NFRKB: variants seen among roughly 807,000 people sequenced by gnomAD.
NFRKB encodes nuclear factor related to kappa-B-binding protein.
A neutral mutation model predicts 135.7 loss-of-function variants in NFRKB; 62 were observed. That is an observed-to-expected ratio of 0.46 (90% CI 0.37 to 0.56). The LOEUF (loss-of-function observed/expected upper bound fraction) is 0.56, where lower values mean the gene tolerates loss of function less well. NFRKB is among the 20% of genes least tolerant of loss of function. The pLI, the probability that NFRKB is intolerant of heterozygous loss-of-function variation, is 0.00. For synonymous variants in NFRKB, 678 were observed against 635.6 expected (o/e 1.07, Z -1.00); for missense variants, 1,545 against 1,662.0 (o/e 0.93, Z 1.22).
chr11:129,878,170 G>C, intron 15 of NFRKB, 139 bp downstream of exon 15: 1 of 854,518 alleles, frequency 1.2e-6, no homozygotes, highest in Non-Finnish European at 1.8e-6. Context: ...GTGCGGCCAA[G>C]TCAGGAAGAA....
rs1323840488 is a variant in NFRKB, at chr11:129,874,232, G to A, written c.2160C>T (p.Val720=). The A allele has an allele frequency of 1.3e-6, 2 of 1,518,770 alleles. No individual in the cohort carries two copies. The highest frequency in any genetic ancestry group is 2.8e-5 in the African/African-American group (2 of 71,648). 94.1% of individuals were successfully genotyped at this position (1,518,770 alleles called of 1,614,324 possible). A position where few individuals can be genotyped will look rare whatever the true frequency, so the allele number is the denominator to read the frequency against. ...CTGGTGTGGTGGGGGTTACAGGTGT[G>A]ACTGGGGTGGGTGGCATACTGGAGT... The part of the protein sequence containing the change: ...LSDSSMPPTP[V]TPVTPTTPAL... The change falls in exon 21 of 27, where the codon GTC becomes GTT. Residue 720 remains valine, a synonymous_variant. Transcript: ENST00000682444. This position sits in a 1 kb window ranked among gnomAD's most constrained non-coding sequence, Gnocchi z 4.5.
intron 4 of NFRKB, among the ~76,000 whole-genome samples, chr11:129,887,730 A>G (rs1949345356): frequency 2.0e-5 from 3 of 152,234 alleles, no homozygotes; most frequent in African/African-American, 7.2e-5. Flanking sequence ...ACATTGCAGG[A>G]ACAATCAAGA....
At chr11:129,882,061 C>A (rs1297436972) in intron 11 of NFRKB, 25 bp downstream of exon 11, 1 of 1,572,474 alleles carries the variant, frequency 6.4e-7, no homozygotes, top group Non-Finnish European at 8.6e-7. Context: ...CTCTAATGTA[C>A]CTCCAACTTT....
At chr11:129,871,380 C>A (rs1300735685) in intron 23 of NFRKB, among the ~76,000 whole-genome samples, 1 of 152,186 alleles carries the variant, frequency 6.6e-6, no homozygotes, top group East Asian at 1.9e-4. Context: ...AGCCACCAAT[C>A]CACTGGCCCA....
intron 25 of NFRKB, 36 bp downstream of exon 25, chr11:129,865,841 C>A: frequency 6.2e-7 from 1 of 1,600,504 alleles, no homozygotes; most frequent in Non-Finnish European, 8.6e-7. Context: ...CACCTCCACC[C>A]CCGAATTGGT....
Position 129,893,188 on chromosome 11 carries a change from T to C in NFRKB, c.-21-318A>G, listed in dbSNP as rs1301361940. The C allele has an allele frequency of 4.0e-6, 3 of 751,540 alleles. No homozygotes were observed. In the African/African-American group the frequency reaches 5.4e-5, roughly 14 times the overall value. The allele number at this position is 751,540 out of a possible 1,614,324, so 46.6% of individuals were successfully genotyped here. ...ATGATAAACAGATCACAATCTATAA[T>C]TTACACTTCCCAGACCAATAATCAC... On this transcript the variant is annotated intron_variant, in intron 2 of 26. Coordinates refer to ENST00000682444, the MANE Select transcript of NFRKB (RefSeq NM_001143835.2).
At chr11:129,869,370 C>G (rs185684632) in intron 24 of NFRKB, 124 bp downstream of exon 24, 13 of 1,065,218 alleles carry the variant, frequency 1.2e-5, no homozygotes. Flanking sequence ...GCTTTTAGGG[C>G]CTCTAATTTC....
chr11:129,869,992 G>C lies in NFRKB; in HGVS notation c.3033C>G (p.His1011Gln), dbSNP rs201322656. 1.3e-5 allele frequency: 21 copies of C among 1,614,252 alleles called. No individual in the cohort carries two copies. Among genetic ancestry groups the C allele is most frequent in the Non-Finnish European group, 1.7e-5 (20 of 1,180,046 alleles). Residue 1011 changes from histidine (H) to glutamine (Q), a missense_variant, in exon 24 of 27, where the codon CAC becomes CAG. By Grantham distance (24) the His-to-Gln change is conservative (BLOSUM62 0). Transcript: ENST00000682444. ...TTGKGISATLHVTSNPVHAAD... is the reference protein window; with the variant it reads ...TTGKGISATLQVTSNPVHAAD... ...CTGCATGTACTGGATTGGAAGTGAC[G>C]TGTAAGGTGGCAGAGATGCCTTTGC...
Position 129,869,632 on chromosome 11 carries a change from T to G in NFRKB, c.3393A>C (p.Leu1131Phe). ...TGGACACAGCAGCATTCATACTGGG[T>G]AAGGACACCGCTGAAGTATGGACAG... ...SGTVHTSAVS[L>F]PSMNAAVSKT... Residue 1131 changes from leucine to phenylalanine, a missense_variant, in exon 24 of 27, where the codon TTA (leucine) becomes TTC (phenylalanine). By Grantham distance (22) the Leu-to-Phe change is conservative (BLOSUM62 0). Transcript: ENST00000682444. The G allele has an allele frequency of 6.2e-7, 1 of 1,614,110 alleles. No individual in the cohort carries two copies.
In NFRKB at chr11:129,881,731, A is replaced by G; in HGVS notation, c.1314T>C (p.Ser438=). The G allele has an allele frequency of 6.2e-7, 1 of 1,614,110 alleles. No individual in the cohort carries two copies. The highest frequency in any genetic ancestry group is 1.7e-5 in the Admixed American group (1 of 60,012). Residue 438 remains serine (S), a synonymous_variant, in exon 12 of 27, where the codon AGT becomes AGC. Coordinates refer to ENST00000682444, the MANE Select transcript of NFRKB (RefSeq NM_001143835.2). The part of the protein sequence containing the change: ...LPALQYLAGE[S]RAVPSSFSPF... The stretch of plus-strand genomic sequence containing the variant: ...CTACAAAAAAGAGCATCTTACCTCG[A>G]CTTTCTCCAGCAAGATACTGCAGGG...
chr11:129,882,497 G>T lies in NFRKB; in HGVS notation c.1036C>A (p.Leu346Ile). Residue 346 changes from leucine to isoleucine, a missense_variant, in exon 10 of 27, where the codon CTC becomes ATC. Leu to Ile is a conservative substitution (Grantham distance 5, BLOSUM62 2). Coordinates refer to ENST00000682444, the MANE Select transcript of NFRKB (RefSeq NM_001143835.2). ...GCCAGCGGAGAGGGGGCCTGTGAGA[G>T]AGGTGCGACCCCTTCAGTACTGCTT... ...PLSSTEGVAP[L>I]SQAPSPLAIP... 6.2e-7 allele frequency: 1 copy of T among 1,613,934 alleles called. No individual in the cohort carries two copies. Among genetic ancestry groups the T allele is most frequent in the Non-Finnish European group, 8.5e-7 (1 of 1,179,878 alleles).
At chr11:129,883,917 GTTGAT>G (rs1490754559) in intron 8 of NFRKB, among the ~76,000 whole-genome samples, 148 bp downstream of exon 8, 5 of 152,156 alleles carry the variant, frequency 3.3e-5, no homozygotes, top group African/African-American at 1.2e-4. Flanking sequence ...GCCTCACATC[GTTGAT>G]GCTAGCTAGC....
rs1221156187 is a variant in NFRKB, at chr11:129,864,710, CA to C, written c.*14del. On this transcript the variant is annotated 3_prime_UTR_variant, in exon 27 of 27. Coordinates refer to ENST00000682444, the MANE Select transcript of NFRKB (RefSeq NM_001143835.2). The stretch of plus-strand genomic sequence containing the variant: ...ACCAGGCATGGTCTTTCACGGAAGC[CA>C]TCCTCTCTCATAATCATTGTTGCTC... 1.2e-6 allele frequency: 2 copies of C among 1,614,044 alleles called. No individual in the cohort carries two copies. The highest frequency in any genetic ancestry group is 1.1e-5 in the South Asian group (1 of 91,072).
Position 129,884,735 on chromosome 11 carries a change from T to A in NFRKB, c.742+10A>T. 1.2e-6 allele frequency: 2 copies of A among 1,613,374 alleles called. No individual in the cohort carries two copies. The highest frequency in any genetic ancestry group is 1.7e-6 in the Non-Finnish European group (2 of 1,179,932). ...TCCCAGAATGGTGACAGCGGCAGCT[T>A]GGTTCTCACCTGCAGTTTTCATATC... On this transcript the variant is annotated intron_variant, in intron 7 of 26. Coordinates refer to ENST00000682444, the MANE Select transcript of NFRKB (RefSeq NM_001143835.2).
chr11:129,881,048 A>T (rs539152029), intron 13 of NFRKB, among the ~76,000 whole-genome samples: 1 of 152,332 alleles, frequency 6.6e-6, no homozygotes, highest in East Asian at 1.9e-4. Context: ...GAAACAACTT[A>T]TTCGGGGCTG....
rs1591463646 is a variant in NFRKB, at chr11:129,864,618, G to A, written c.*107C>T. The A allele has an allele frequency of 2.6e-6, 4 of 1,514,448 alleles. No individual in the cohort carries two copies. Among genetic ancestry groups the A allele is most frequent in the African/African-American group, 1.4e-5 (1 of 73,170 alleles). 93.8% of individuals were successfully genotyped at this position (1,514,448 alleles called of 1,614,324 possible). ...CCACCGTTGCCATCACCCCTCGCCT[G>A]GCTGCCTTGAACAGGCAAGCTTAAA... is the stretch of plus-strand genomic sequence containing the variant. On this transcript the variant is annotated 3_prime_UTR_variant, in exon 27 of 27. Transcript: ENST00000682444.
At chr11:129,877,527 A>C in intron 15 of NFRKB, 142 bp from the exon 16 acceptor site, 1 of 755,324 alleles carries the variant, frequency 1.3e-6, no homozygotes, top group Admixed American at 2.2e-5. Context: ...CGAAGAGCCC[A>C]CCTTCCAGCT....
rs1429976059 is a variant in NFRKB at position 129,873,712 on chromosome 11, C to T, written c.2550+33G>A. The T allele has an allele frequency of 2.5e-6, 4 of 1,601,994 alleles. No individual in the cohort carries two copies. In the African/African-American group the frequency reaches 5.4e-5, roughly 21 times the overall value. ...TCAGCCCACCTCTGGGTCTGCATCT[C>T]TGCTTCCCAATGACCACGGCTTCCC... is the stretch of plus-strand genomic sequence containing the variant. On this transcript the variant is annotated intron_variant, in intron 22 of 26. Coordinates refer to ENST00000682444, the MANE Select transcript of NFRKB (RefSeq NM_001143835.2).
In NFRKB at chr11:129,874,005, C is replaced by A; in HGVS notation, c.2290G>T (p.Val764Leu). 1.2e-6 allele frequency: 2 copies of A among 1,612,440 alleles called. No individual in the cohort carries two copies. Among genetic ancestry groups the A allele is most frequent in the Non-Finnish European group, 1.7e-6 (2 of 1,179,484 alleles). Reference protein sequence around the residue: ...PAKSSSGVLLVSSPTMPHLGT... With the variant: ...PAKSSSGVLLLSSPTMPHLGT... ...AGATGTGGCATTGTTGGTGAAGACA[C>A]CAGAAGAACACTATGAAGAACATCG... The change falls in exon 22 of 27, where the codon GTG becomes TTG. Residue 764 changes from valine to leucine, a missense_variant. Around this residue, in one of 3 missense-constraint regions of NFRKB, gnomAD observed 753 missense variants for 804.3 expected, o/e 0.94. Coordinates refer to ENST00000682444, the MANE Select transcript of NFRKB (RefSeq NM_001143835.2). The surrounding 1 kb of genome is among the most constrained non-coding windows in gnomAD (Gnocchi z 4.5).
Sources: gnomAD v4.1 joint callset for allele counts (sites outside exome capture counted in the v4.1 genomes callset) on GRCh38, gnomAD v4.1.1 for gene constraint, gnomAD v4.1.1 regional missense constraint, Gnocchi (gnomAD v3.1) non-coding constraint, MANE v1.5 for transcripts, NCBI Gene and HGNC (gene_info 2026-07-23, HGNC 2026-07-21) for gene names.